CENPP: variants seen among roughly 807,000 people sequenced by gnomAD.
The protein encoded by CENPP is centromere protein P.
In CENPP, 24 loss-of-function variants were observed where a neutral mutation model predicts 35.6. The observed-to-expected ratio is 0.67, with a 90% confidence interval of 0.49 to 0.95. The LOEUF is 0.95. CENPP is among the 40% of genes least tolerant of loss of function. The pLI, the probability that CENPP is intolerant of heterozygous loss-of-function variation, is 0.00. For synonymous variants in CENPP, 120 were observed against 125.5 expected, an observed-to-expected ratio of 0.96 and a Z score of 0.29; for missense variants, 332 against 345.3, an observed-to-expected ratio of 0.96 and a Z score of 0.31.
In CENPP at chr9:92,613,174, T is replaced by C; in HGVS notation, c.*25T>C. On this transcript the variant is annotated 3_prime_UTR_variant, in exon 8 of 8. Coordinates refer to ENST00000375587, the MANE Select transcript of CENPP (RefSeq NM_001012267.3). ...GTTCCAAAACAGTGAACGTGGAGGA[T>C]GAAGATGCTGCGTGGAGGAACATGC... The C allele has an allele frequency of 1.2e-6, 2 of 1,613,852 alleles. No homozygotes were observed. The highest frequency in any genetic ancestry group is 2.7e-5 in the African/African-American group (2 of 75,012).
At position 92,440,260 on chromosome 9, in the gene CENPP, T is replaced by C. The variant is rs561217570; in HGVS notation, c.564+60401T>C. Among the ~76,000 whole-genome samples the C allele has an allele frequency of 3.9e-5, 6 of 152,156 alleles. No homozygotes were observed. The East Asian group carries it at 1.2e-3, about 29-fold the overall frequency. On this transcript the variant is annotated intron_variant, in intron 5 of 7. Coordinates refer to ENST00000375587, the MANE Select transcript of CENPP (RefSeq NM_001012267.3). ...AATCTATAACGGGGTGCCTAGTCTT[T>C]TGGCTTCCCTGGGCCACATTGGAAG...
At chr9:92,534,259 C>T (rs951171983) in intron 5 of CENPP, among the ~76,000 whole-genome samples, 1 of 152,118 alleles carries the variant, frequency 6.6e-6, no homozygotes, top group African/African-American at 2.4e-5. Context: ...TGTATTATTT[C>T]AAGGGAGTTG....
intron 5 of CENPP, among the ~76,000 whole-genome samples, chr9:92,485,898 G>A (rs1226261693): frequency 6.6e-6 from 1 of 152,156 alleles, no homozygotes; most frequent in African/African-American, 2.4e-5. Flanking sequence ...GTATATTGTG[G>A]GGCACACACA....
intron 5 of CENPP, among the ~76,000 whole-genome samples, chr9:92,602,558 C>A (rs1357202363): frequency 6.6e-6 from 1 of 152,208 alleles, no homozygotes; most frequent in African/African-American, 2.4e-5. Context: ...GCTGTCAAGA[C>A]CAGCCATGCT....
At chr9:92,440,346 A>AAAT in intron 5 of CENPP, among the ~76,000 whole-genome samples, 1 of 142,546 alleles carries the variant, frequency 7.0e-6, no homozygotes, top group Admixed American at 7.0e-5. Context: ...CTGATGAGTT[A>AAAT]AAATAAATAA....
At chr9:92,401,040 A>G in intron 5 of CENPP, 1 of 848,708 alleles carries the variant, frequency 1.2e-6, no homozygotes, top group South Asian at 1.4e-5. Flanking sequence ...AATAAAGTCC[A>G]TTATAGCTAT....
chr9:92,404,729 AT>A, intron 5 of CENPP: 1 of 1,073,400 alleles, frequency 9.3e-7, no homozygotes, highest in Non-Finnish European at 1.2e-6. Flanking sequence ...TGCTTAAGTT[AT>A]TTGTTGTAAC....
intron 5 of CENPP, among the ~76,000 whole-genome samples, chr9:92,563,138 G>A (rs1462781914): frequency 6.6e-6 from 1 of 152,156 alleles, no homozygotes; most frequent in African/African-American, 2.4e-5. Context: ...TTGTGGAAAT[G>A]ACTGACTTTT....
chr9:92,453,558 GA>G lies in CENPP; in HGVS notation c.564+73707del, dbSNP rs1240857914. Among the ~76,000 whole-genome samples the G allele has an allele frequency of 3.3e-5, 5 of 151,766 alleles. No individual in the cohort carries two copies. The East Asian group carries it at 5.8e-4, about 18-fold the overall frequency. ...TTTGGAAAAGGTGTGGTGTGGTGCTGAAAAAAAAGTATATTCTGTTGATTTG... is the reference window on the plus strand; with the variant it reads ...TTTGGAAAAGGTGTGGTGTGGTGCTGAAAAAAAGTATATTCTGTTGATTTG... On this transcript the variant is annotated intron_variant, in intron 5 of 7. Coordinates refer to ENST00000375587, the MANE Select transcript of CENPP (RefSeq NM_001012267.3).
At chr9:92,429,790 AATCATCATCATC>A (rs5899160) in intron 5 of CENPP, among the ~76,000 whole-genome samples, 3 of 150,424 alleles carry the variant, frequency 2.0e-5, no homozygotes, top group African/African-American at 4.9e-5. Context: ...TCCGTCTCAA[AATCATCATCATC>A]ATCATCATCA....
intron 5 of CENPP, among the ~76,000 whole-genome samples, chr9:92,490,999 G>C (rs1390451405): frequency 6.6e-6 from 1 of 152,044 alleles, no homozygotes; most frequent in Non-Finnish European, 1.5e-5. Flanking sequence ...AACCAGTTTT[G>C]ACTGGGAGAT....
At chr9:92,521,462 T>C (rs1848064950) in intron 5 of CENPP, among the ~76,000 whole-genome samples, 1 of 152,210 alleles carries the variant, frequency 6.6e-6, no homozygotes, top group Admixed American at 6.5e-5. Flanking sequence ...TCAGGATAAT[T>C]GTATATTATT....
At position 92,416,041 on chromosome 9, in the gene CENPP, ATATAT is replaced by A. The variant is rs1428416205; in HGVS notation, c.564+36188_564+36192del. Among the ~76,000 whole-genome samples, 558 of 107,170 alleles carry A rather than the reference ATATAT, an allele frequency of 5.2e-3. 3 individuals are homozygous for A. Among genetic ancestry groups the A allele is most frequent in the African/African-American group, 0.013 (431 of 34,402 alleles). The allele number at this position is 107,170 out of a possible 152,430, so 70.3% of individuals were successfully genotyped here. A position where few individuals can be genotyped will look rare whatever the true frequency, so the allele number is the denominator to read the frequency against. ...ATATATATTTTTTATATATAAATAA[ATATAT>A]TATATATGTGTGTATATATATATAT... On this transcript the variant is annotated intron_variant, in intron 5 of 7. Transcript: ENST00000375587.
At chr9:92,497,874 T>TA (rs71362393) in intron 5 of CENPP, among the ~76,000 whole-genome samples, 423 of 134,884 alleles carry the variant, frequency 3.1e-3, no homozygotes, top group Middle Eastern at 7.5e-3. Flanking sequence ...GCTGGTTGTT[T>TA]AAAAAAAAAA....
intron 2 of CENPP, among the ~76,000 whole-genome samples, chr9:92,333,700 AT>A (rs1168356846): frequency 6.6e-6 from 1 of 152,024 alleles, no homozygotes; most frequent in South Asian, 2.1e-4. Flanking sequence ...CTTGTTTTTT[AT>A]TTTTTTGTTC....
intron 4 of CENPP, among the ~76,000 whole-genome samples, chr9:92,347,239 T>A (rs1360408690): frequency 6.6e-6 from 1 of 152,218 alleles, no homozygotes; most frequent in Non-Finnish European, 1.5e-5. Context: ...GAATGTGTTG[T>A]GTCATGGCAG....
At chr9:92,432,286 T>C (rs1177918723) in intron 5 of CENPP, among the ~76,000 whole-genome samples, 3 of 151,676 alleles carry the variant, frequency 2.0e-5, no homozygotes, top group Non-Finnish European at 4.4e-5. Context: ...GATGGCGCCA[T>C]TGCACTCCAG....
chr9:92,382,276 G>A (rs898331688), intron 5 of CENPP, among the ~76,000 whole-genome samples: 3 of 151,340 alleles, frequency 2.0e-5, no homozygotes, highest in African/African-American at 7.3e-5. Flanking sequence ...ATATTCATGG[G>A]GTACATAGTG....
Position 92,593,669 on chromosome 9 carries a change from A to T in CENPP, c.565-17645A>T, listed in dbSNP as rs1017931513. 5.3e-5 allele frequency among the ~76,000 whole-genome samples: 8 copies of T among 152,218 alleles called. No individual in the cohort carries two copies. Among genetic ancestry groups the T allele is most frequent in the African/African-American group, 1.9e-4 (8 of 41,466 alleles). On this transcript the variant is annotated intron_variant, in intron 5 of 7. Coordinates refer to ENST00000375587, the MANE Select transcript of CENPP (RefSeq NM_001012267.3). This position sits in a 1 kb window ranked among gnomAD's most constrained non-coding sequence, Gnocchi z 4.1. Reference sequence around the variant, plus strand: ...TTCCTCCTGCCTGGGCCAACAATGAAAGCGAACAGTGATTAGAGTTTGGCA... The same window carrying T: ...TTCCTCCTGCCTGGGCCAACAATGATAGCGAACAGTGATTAGAGTTTGGCA...
Sources: allele counts gnomAD v4.1 joint callset (sites outside exome capture counted in the v4.1 genomes callset), GRCh38; gene constraint gnomAD v4.1.1; non-coding constraint Gnocchi (gnomAD v3.1); transcripts MANE v1.5; gene names NCBI Gene and HGNC (gene_info 2026-07-23, HGNC 2026-07-21).